Variants in RPGRIP1 observed in about 807,000 individuals in gnomAD.
RPGRIP1 encodes the protein RPGR interacting protein 1, also known as X-linked retinitis pigmentosa GTPase regulator-interacting protein 1.
A neutral mutation model predicts 157.9 loss-of-function variants in RPGRIP1; 128 were observed. The ratio of observed to expected loss-of-function variants is 0.81; its 90% CI spans 0.70 to 0.94. The LOEUF (loss-of-function observed/expected upper bound fraction) is 0.94. Among genes scored for constraint, RPGRIP1 ranks in the 40% least tolerant of loss-of-function variants. The pLI is 0.00. For missense variants in RPGRIP1, 1,486 were observed against 1,545.8 expected (o/e 0.96, Z 0.65); for synonymous variants, 554 against 571.6 (o/e 0.97, Z 0.44).
intron 12 of RPGRIP1, among the ~76,000 whole-genome samples, chr14:21,320,484 G>T (rs1882304794): frequency 6.6e-6 from 1 of 151,848 alleles, no homozygotes; most frequent in South Asian, 2.1e-4. Context: ...GTAGAGACGG[G>T]GTTTCACCGT....
At chr14:21,294,069 A>AG (rs1271172348) in intron 2 of RPGRIP1, among the ~76,000 whole-genome samples, 1,798 of 149,576 alleles carry the variant, frequency 0.012, 45 homozygotes, top group African/African-American at 0.042. Flanking sequence ...AAAAAAAAAA[A>AG]AAGAAGAAGA....
chr14:21,323,238 A>G (rs1204135629), intron 14 of RPGRIP1, among the ~76,000 whole-genome samples: 1 of 152,136 alleles, frequency 6.6e-6, no homozygotes, highest in Non-Finnish European at 1.5e-5. Flanking sequence ...CCTGACCAAC[A>G]TGGTGAAACC....
At chr14:21,300,907 A>G in intron 3 of RPGRIP1, 59 bp from the exon 4 acceptor site, 1 of 1,571,498 alleles carries the variant, frequency 6.4e-7, no homozygotes, top group Non-Finnish European at 8.7e-7. Flanking sequence ...TGTCCCAAAT[A>G]ACCCGTAGAA....
rs866567428 is a variant in RPGRIP1, at chr14:21,343,134, C to A, written c.3438C>A (p.Tyr1146Ter). 1 of 1,613,554 alleles carries A rather than the reference C, an allele frequency of 6.2e-7. No homozygotes were observed. The highest frequency in any genetic ancestry group is 8.5e-7 in the Non-Finnish European group (1 of 1,179,666). Residue 1146 changes from tyrosine (Y) to a stop codon, truncating the protein, a stop_gained, in exon 22 of 25, where the codon TAC (tyrosine) becomes TAA (stop). Transcript: ENST00000400017. LOFTEE classifies it high-confidence loss of function. ...ACATAAAACAGGTGTATGTGGAGTA[C>A]AAATTCTACGACCTACCCTTGTCGG... is the stretch of plus-strand genomic sequence containing the variant. The part of the protein sequence containing the change: ...DENIKQVYVE[Y>*]KFYDLPLSET...
In RPGRIP1 at chr14:21,301,135, T is replaced by C. The variant is rs2139156679; in HGVS notation, c.388T>C (p.Cys130Arg). 6.2e-7 allele frequency: 1 copy of C among 1,600,316 alleles called. No individual in the cohort carries two copies. Among genetic ancestry groups the C allele is most frequent in the Non-Finnish European group, 8.5e-7 (1 of 1,173,646 alleles). ...GCACCGACTGCAAGGGCATTTCCAC[T>C]GCGTCGGCCCTGCCAGCCCCCGCCG... ...QMHRLQGHFH[C>R]VGPASPRRAQ... Residue 130 changes from cysteine to arginine, a missense_variant, in exon 4 of 25, where the codon TGC (cysteine) becomes CGC (arginine). Cys to Arg is a radical substitution (Grantham distance 180). Coordinates refer to ENST00000400017, the MANE Select transcript of RPGRIP1 (RefSeq NM_020366.4).
chr14:21,301,614 T>C (rs1881031442), intron 4 of RPGRIP1, among the ~76,000 whole-genome samples: 1 of 150,264 alleles, frequency 6.7e-6, no homozygotes, highest in African/African-American at 2.4e-5. Context: ...GAGGCGGAGG[T>C]TGCAGTGAGC....
At chr14:21,347,909 T>G (rs1885727995) in intron 23 of RPGRIP1, among the ~76,000 whole-genome samples, 1 of 152,090 alleles carries the variant, frequency 6.6e-6, no homozygotes, top group African/African-American at 2.4e-5. Context: ...ATTTTTTTTG[T>G]AGAGACGGGG....
At position 21,337,787 on chromosome 14, in the gene RPGRIP1, G is replaced by T. The variant is rs572522348; in HGVS notation, c.3339+3082G>T. Among the ~76,000 whole-genome samples, 3 of 120,724 alleles carry T rather than the reference G, an allele frequency of 2.5e-5. No homozygotes were observed. In the East Asian group the frequency reaches 6.9e-4, roughly 28 times the overall value. The allele number at this position is 120,724 out of a possible 152,430, so 79.2% of individuals were successfully genotyped here. ...TTTTTTTTTTTTTTTTTAGAGTCTCGCTCTGTCACCCAGGCTGGAGTGCAG... is the reference window on the plus strand; with the variant it reads ...TTTTTTTTTTTTTTTTTAGAGTCTCTCTCTGTCACCCAGGCTGGAGTGCAG... On this transcript the variant is annotated intron_variant, in intron 21 of 24. Coordinates refer to ENST00000400017, the MANE Select transcript of RPGRIP1 (RefSeq NM_020366.4).
At chr14:21,344,902 C>T (rs925267067) in intron 22 of RPGRIP1, among the ~76,000 whole-genome samples, 26 of 152,122 alleles carry the variant, frequency 1.7e-4, no homozygotes, top group Non-Finnish European at 1.0e-4. Context: ...ACCAAGATCA[C>T]GCCACTGCAC....
chr14:21,319,954 C>G, intron 11 of RPGRIP1, 63 bp from the exon 12 acceptor site: 3 of 1,447,584 alleles, frequency 2.1e-6, no homozygotes, highest in Non-Finnish European at 2.8e-6. Context: ...CACACTTGAT[C>G]CAACTCTGAC....
chr14:21,327,490 T>C (rs986866135), intron 17 of RPGRIP1, 133 bp from the exon 18 acceptor site: 14 of 713,700 alleles, frequency 2.0e-5, no homozygotes, highest in Non-Finnish European at 3.1e-5. Context: ...TCGTAATTAT[T>C]TAATGGATGT....
Position 21,351,148 on chromosome 14 carries a change from G to GGAAA in RPGRIP1, c.3793_3794insGAAA (p.Val1265GlyfsTer19), listed in dbSNP as rs1468976582. ...GGCTACCCCAATAGGAAGGCTGAAG[G>GGAAA]TTTCCCTTCAAGCAGCTGCTGTCCT... is the stretch of plus-strand genomic sequence containing the variant. On this transcript the variant is annotated frameshift_variant, in exon 25 of 25. Coordinates refer to ENST00000400017, the MANE Select transcript of RPGRIP1 (RefSeq NM_020366.4). LOFTEE classifies it high-confidence loss of function. 2.5e-6 allele frequency: 4 copies of GGAAA among 1,612,752 alleles called. No individual in the cohort carries two copies. Among genetic ancestry groups the GGAAA allele is most frequent in the Non-Finnish European group, 3.4e-6 (4 of 1,179,438 alleles).
chr14:21,322,142 C>G, intron 14 of RPGRIP1, 138 bp downstream of exon 14: 1 of 680,816 alleles, frequency 1.5e-6, no homozygotes, highest in Non-Finnish European at 2.2e-6. Context: ...TTTATCCTAT[C>G]ATTTTTGTTG....
Position 21,321,634 on chromosome 14 carries a change from G to C in RPGRIP1, c.1612-220G>C, listed in dbSNP as rs1882481496. 5 of 1,054,030 alleles carry C rather than the reference G, an allele frequency of 4.7e-6. No individual in the cohort carries two copies. The East Asian group carries it at 1.3e-4, about 28-fold the overall frequency. 65.3% of individuals were successfully genotyped at this position (1,054,030 alleles called of 1,614,324 possible). A position where few individuals can be genotyped will look rare whatever the true frequency, so the allele number is the denominator to read the frequency against. ...CAGCCCATGCCAATGGCAAGCGTAA[G>C]GCTTCTGGGTTCAAATTTTGCCAGT... On this transcript the variant is annotated intron_variant, in intron 13 of 24. Coordinates refer to ENST00000400017, the MANE Select transcript of RPGRIP1 (RefSeq NM_020366.4).
intron 12 of RPGRIP1, 117 bp downstream of exon 12, chr14:21,320,294 C>CAAA: frequency 6.1e-6 from 6 of 983,124 alleles, no homozygotes; most frequent in Non-Finnish European, 7.5e-6. Flanking sequence ...TGACTGAGGA[C>CAAA]ACTCTTTTTT....
At chr14:21,284,564 G>A (rs575827673) in intron 1 of RPGRIP1, among the ~76,000 whole-genome samples, 14 of 92,730 alleles carry the variant, frequency 1.5e-4, no homozygotes, top group Non-Finnish European at 2.1e-4. Flanking sequence ...TTTTTTTGAA[G>A]ATGGAATCTC....
rs1881077815 is a variant in RPGRIP1 at position 21,302,526 on chromosome 14, T to C, written c.529T>C (p.Phe177Leu). Residue 177 changes from phenylalanine to leucine, a missense_variant, in exon 5 of 25, where the codon TTT becomes CTT. Coordinates refer to ENST00000400017, the MANE Select transcript of RPGRIP1 (RefSeq NM_020366.4). Reference protein sequence around the residue: ...DRLSYTAPPSFKEHATNENRG... With the variant: ...DRLSYTAPPSLKEHATNENRG... ...GCTGAGCTACACAGCCCCTCCATCG[T>C]TTAAGGAGCATGCGACAAATGAAAA... 2 of 1,590,996 alleles carry C rather than the reference T, an allele frequency of 1.3e-6. No homozygotes were observed. Among genetic ancestry groups the C allele is most frequent in the Non-Finnish European group, 1.7e-6 (2 of 1,167,288 alleles).
chr14:21,294,013 A>G (rs1423044271), intron 2 of RPGRIP1, among the ~76,000 whole-genome samples: 1 of 139,850 alleles, frequency 7.2e-6, no homozygotes, highest in Non-Finnish European at 1.5e-5. Context: ...AGATCACACC[A>G]GTGTACTCTA....
intron 10 of RPGRIP1, among the ~76,000 whole-genome samples, chr14:21,313,201 A>G (rs1881613030): frequency 6.6e-6 from 1 of 151,942 alleles, no homozygotes; most frequent in Non-Finnish European, 1.5e-5. Context: ...GTGCAAATAT[A>G]TGTATATAAT....
Sources: gnomAD v4.1 joint callset for allele counts (sites outside exome capture counted in the v4.1 genomes callset) on GRCh38, gnomAD v4.1.1 for gene constraint, MANE v1.5 for transcripts, NCBI Gene and HGNC (gene_info 2026-07-23, HGNC 2026-07-21) for gene names.